Variants in EML6 observed in about 807,000 individuals in gnomAD.
EML6 encodes EMAP like 6, also known as echinoderm microtubule-associated protein-like 6.
EML6 carries 154 observed loss-of-function variants against 240.1 expected under a neutral mutation model. The observed-to-expected ratio is 0.64, with a 90% CI of 0.56 to 0.73. The LOEUF is 0.73. EML6 is among the 30% of genes least tolerant of loss of function. EML6 has a pLI of 0.00. For missense variants in EML6, 2,964 were observed against 2,474.6 expected, an observed-to-expected ratio of 1.20 and a Z score of -4.20; for synonymous variants, 1,148 against 899.0, an observed-to-expected ratio of 1.28 and a Z score of -4.95.
chr2:54,951,009 A>G (rs1675946861), intron 30 of EML6, among the ~76,000 whole-genome samples: 1 of 152,078 alleles, frequency 6.6e-6, no homozygotes, highest in Admixed American at 6.5e-5. Context: ...GGCCCTAGAG[A>G]GAAGGCGGCC....
At chr2:54,924,514 C>A (rs1385968527) in intron 26 of EML6, among the ~76,000 whole-genome samples, 2 of 151,932 alleles carry the variant, frequency 1.3e-5, no homozygotes, top group African/African-American at 4.8e-5. Flanking sequence ...AAACTACTAG[C>A]CAAATATGAA....
intron 34 of EML6, among the ~76,000 whole-genome samples, chr2:54,959,649 C>T (rs562000895): frequency 6.6e-6 from 1 of 152,062 alleles, no homozygotes; most frequent in African/African-American, 2.4e-5. Flanking sequence ...GTAATACCAA[C>T]TACTAGGGAG....
chr2:54,962,877 C>A (rs568254929), intron 36 of EML6, among the ~76,000 whole-genome samples, 166 bp downstream of exon 36: 86 of 152,278 alleles, frequency 5.6e-4, no homozygotes, highest in African/African-American at 1.9e-3. Context: ...TCACCACACC[C>A]CGTCTAAACA....
At chr2:54,954,232 T>C in intron 32 of EML6, 76 bp downstream of exon 32, 2 of 1,346,598 alleles carry the variant, frequency 1.5e-6, no homozygotes, top group Non-Finnish European at 2.0e-6. Flanking sequence ...CGAACCCAGA[T>C]CTGCCTCACT....
intron 28 of EML6, among the ~76,000 whole-genome samples, chr2:54,947,121 C>T (rs896839624): frequency 1.3e-5 from 2 of 152,128 alleles, no homozygotes; most frequent in African/African-American, 4.8e-5. Context: ...GCCATAGTTC[C>T]AGTGTCCTCT....
At chr2:54,790,724 CTTTTTTT>C (rs368684488) in intron 2 of EML6, among the ~76,000 whole-genome samples, 2 of 123,278 alleles carry the variant, frequency 1.6e-5, no homozygotes, top group East Asian at 2.4e-4. Flanking sequence ...CTTAATTTTC[CTTTTTTT>C]TTTTTTTTTT....
chr2:54,883,822 A>C (rs960163585), intron 17 of EML6, among the ~76,000 whole-genome samples: 7 of 152,204 alleles, frequency 4.6e-5, no homozygotes, highest in African/African-American at 1.7e-4. Context: ...TGTGTTCTTT[A>C]TTTATATATT....
At chr2:54,869,625 A>C (rs760985019) in intron 15 of EML6, among the ~76,000 whole-genome samples, 13 of 152,208 alleles carry the variant, frequency 8.5e-5, no homozygotes, top group Non-Finnish European at 1.6e-4. Flanking sequence ...TAAAATGGTG[A>C]AAGTTTTGTC....
chr2:54,954,411 C>G (rs1002463082), intron 32 of EML6, among the ~76,000 whole-genome samples: 9 of 152,174 alleles, frequency 5.9e-5, no homozygotes, highest in African/African-American at 2.2e-4. Flanking sequence ...GAGGAGGTTC[C>G]CCGATGTTGG....
At chr2:54,895,496 C>T in intron 21 of EML6, 96 bp downstream of exon 21, 6 of 1,247,542 alleles carry the variant, frequency 4.8e-6, no homozygotes, top group Non-Finnish European at 4.5e-6. Flanking sequence ...TAAGGAGGCA[C>T]TCACTCTCAG....
In EML6 at chr2:54,816,885, G is replaced by A. The variant is rs1295313358; in HGVS notation, c.456G>A (p.Arg152=). Residue 152 remains arginine, a splice_region_variant and synonymous_variant, in exon 4 of 42, where the codon AGG becomes AGA. Transcript: ENST00000356458. ...CGTCAGCCACCGGCCATTCTGACAG[G>A]GTAAGAACTTGTTGGATCAAGCTAT... ...LLASATGHSD[R]IFDISWDPYQ... The A allele has an allele frequency of 2.6e-6, 4 of 1,546,044 alleles. No homozygotes were observed. The African/African-American group carries it at 4.1e-5, about 16-fold the overall frequency.
Position 54,903,032 on chromosome 2 carries a change from A to G in EML6, c.3125-12A>G. 1 of 1,544,168 alleles carries G rather than the reference A, an allele frequency of 6.5e-7. No homozygotes were observed. Among genetic ancestry groups the G allele is most frequent in the Non-Finnish European group, 8.7e-7 (1 of 1,144,904 alleles). ...TTTGGATAATAAGTGTTTTTTGTGG[A>G]TTCTTCTGTAGGTGGAAGATGCTGT... On this transcript the variant is annotated splice_polypyrimidine_tract_variant and intron_variant, in intron 22 of 41. Transcript: ENST00000356458.
At chr2:54,806,594 C>A (rs1670497113) in intron 2 of EML6, among the ~76,000 whole-genome samples, 1 of 96,642 alleles carries the variant, frequency 1.0e-5, no homozygotes, top group Non-Finnish European at 1.9e-5. Context: ...GCCTGGGCAA[C>A]AAGAGTGACT....
intron 26 of EML6, among the ~76,000 whole-genome samples, chr2:54,926,123 A>G (rs1390430166): frequency 1.3e-5 from 2 of 152,150 alleles, no homozygotes; most frequent in African/African-American, 4.8e-5. Context: ...TTTTGTTTTA[A>G]GATGGAGTCT....
At chr2:54,907,549 AT>A (rs1673389879) in intron 24 of EML6, among the ~76,000 whole-genome samples, 1 of 152,134 alleles carries the variant, frequency 6.6e-6, no homozygotes. Flanking sequence ...ATAATAGGAC[AT>A]TTCATTCCCA....
At chr2:54,815,785 C>T (rs1271809423) in intron 3 of EML6, among the ~76,000 whole-genome samples, 1 of 152,216 alleles carries the variant, frequency 6.6e-6, no homozygotes, top group Non-Finnish European at 1.5e-5. Flanking sequence ...CACATGTATA[C>T]ATTTAACCAT....
At chr2:54,902,247 A>G (rs955469132) in intron 22 of EML6, among the ~76,000 whole-genome samples, 3 of 152,204 alleles carry the variant, frequency 2.0e-5, no homozygotes, top group Admixed American at 6.5e-5. Flanking sequence ...TACTGGTCCT[A>G]TTAACCCTAT....
intron 5 of EML6, 92 bp downstream of exon 5, chr2:54,820,554 T>G (rs777380377): frequency 2.3e-5 from 17 of 745,612 alleles, no homozygotes; most frequent in African/African-American, 3.6e-5. Flanking sequence ...ACTGCTAGAC[T>G]TTACATTTTT....
chr2:54,910,897 T>C (rs1374119506), intron 24 of EML6, 57 bp from the exon 25 acceptor site: 4 of 852,592 alleles, frequency 4.7e-6, no homozygotes, highest in Non-Finnish European at 7.6e-6. Flanking sequence ...TCTCATTTTA[T>C]AATAAAGAGA....
Sources: allele counts gnomAD v4.1 joint callset (sites outside exome capture counted in the v4.1 genomes callset), GRCh38; gene constraint gnomAD v4.1.1; transcripts MANE v1.5; gene names NCBI Gene and HGNC (gene_info 2026-07-23, HGNC 2026-07-21).